HOMER2: variants seen among roughly 807,000 people sequenced by gnomAD.
The protein encoded by HOMER2 is homer protein homolog 2.
Under a neutral mutation model 47.0 loss-of-function variants are expected in HOMER2, and 27 were observed. The ratio of observed to expected loss-of-function variants is 0.57; its 90% CI spans 0.42 to 0.79. The LOEUF (loss-of-function observed/expected upper bound fraction) is 0.79, where lower values mean the gene tolerates loss of function less well. Among genes scored for constraint, HOMER2 ranks in the 30% least tolerant of loss-of-function variants. The pLI is 0.00. For missense variants in HOMER2, 443 were observed against 435.0 expected (o/e 1.02, Z -0.16); for synonymous variants, 161 against 163.8 (o/e 0.98, Z 0.13).
intron 3 of HOMER2, among the ~76,000 whole-genome samples, chr15:82,868,541 A>ATTTTTTTTTTT (rs10678643): frequency 1.4e-5 from 1 of 71,290 alleles, no homozygotes; most frequent in Non-Finnish European, 2.8e-5. Context: ...ATATATATAT[A>ATTTTTTTTTTT]TTTTTTTTTT....
chr15:82,869,450 CTTTTTTTTT>C (rs71822678), intron 3 of HOMER2, among the ~76,000 whole-genome samples: 6 of 70,240 alleles, frequency 8.5e-5, no homozygotes, highest in African/African-American at 2.4e-4. Flanking sequence ...TACTAAACAT[CTTTTTTTTT>C]TTTTTTTTTT....
upstream of HOMER2, chr15:82,986,080 C>A (rs1567083200): frequency 1.6e-5 from 16 of 985,558 alleles, no homozygotes; most frequent in Non-Finnish European, 1.8e-5. Context: ...TTGCCCACAC[C>A]TCATCGAGCT....
At chr15:82,868,541 A>ATATATATATATATATATATATTTT in intron 3 of HOMER2, among the ~76,000 whole-genome samples, 7 of 71,262 alleles carry the variant, frequency 9.8e-5, no homozygotes, top group South Asian at 4.9e-4. Context: ...ATATATATAT[A>ATATATATATATATATATATATTTT]TTTTTTTTTT....
intron 3 of HOMER2, among the ~76,000 whole-genome samples, chr15:82,865,302 CT>C (rs1216049544): frequency 6.6e-6 from 1 of 152,220 alleles, no homozygotes; most frequent in Non-Finnish European, 1.5e-5. Context: ...CTCACCTTTT[CT>C]TTTTGGGGAC....
chr15:82,896,930 C>T (rs2052942052), intron 1 of HOMER2, among the ~76,000 whole-genome samples: 1 of 152,170 alleles, frequency 6.6e-6, no homozygotes, highest in Admixed American at 6.5e-5. Context: ...TTCTGCTAGG[C>T]TCGCTCTCCA....
chr15:82,853,402 T>G (rs1740005812), intron 6 of HOMER2, among the ~76,000 whole-genome samples: 1 of 152,182 alleles, frequency 6.6e-6, no homozygotes. Context: ...AGTCAGCAAT[T>G]GGCCTGGTGC....
chr15:82,958,143 T>G (rs1040514898), exon 2 of HOMER2: 4 of 152,150 alleles, frequency 2.6e-5, no homozygotes, highest in African/African-American at 9.7e-5. Context: ...GGCCTACCCA[T>G]TTATTTAATC....
At chr15:82,974,175 C>T (rs1215725724) in intron 1 of HOMER2, among the ~76,000 whole-genome samples, 1 of 151,982 alleles carries the variant, frequency 6.6e-6, no homozygotes, top group South Asian at 2.1e-4. Flanking sequence ...GAGGCAGAGG[C>T]GGGTGGATCA....
chr15:82,909,611 T>C (rs2053396559), intron 1 of HOMER2, among the ~76,000 whole-genome samples: 2 of 151,982 alleles, frequency 1.3e-5, no homozygotes, highest in South Asian at 4.2e-4. Context: ...GAGGGGGTCA[T>C]TTACTGAAGC....
intron 1 of HOMER2, among the ~76,000 whole-genome samples, chr15:82,976,734 C>A (rs1289037175): frequency 6.7e-5 from 9 of 133,480 alleles, no homozygotes; most frequent in Middle Eastern, 5.4e-3. Flanking sequence ...GGCTGGAGTA[C>A]AATGGCGTGA....
Position 82,849,472 on chromosome 15 carries a change from A to AG in HOMER2, c.*242dup. ...CCTGCCCTGACTGCATAAATGTTGAAGGTAGACCTAGTTCTGGATTCCTGA... is the reference window on the plus strand; with the variant it reads ...CCTGCCCTGACTGCATAAATGTTGAAGGGTAGACCTAGTTCTGGATTCCTGA... On this transcript the variant is annotated 3_prime_UTR_variant, in exon 9 of 9. Transcript: ENST00000450735. 1.8e-6 allele frequency: 1 copy of AG among 541,400 alleles called. No individual in the cohort carries two copies. The highest frequency in any genetic ancestry group is 3.0e-5 in the East Asian group (1 of 33,496). The allele number at this position is 541,400 out of a possible 1,614,324, so 33.5% of individuals were successfully genotyped here.
intron 7 of HOMER2, 90 bp from the exon 8 acceptor site, chr15:82,851,321 C>A (rs1479022740): frequency 9.3e-6 from 8 of 860,330 alleles, no homozygotes; most frequent in Non-Finnish European, 1.3e-5. Flanking sequence ...CTCGTGGAAG[C>A]AGCTTTGGGA....
exon 2 of HOMER2, chr15:82,837,074 CT>C (rs2051135214): frequency 6.6e-6 from 1 of 152,326 alleles, no homozygotes; most frequent in African/African-American, 2.4e-5. Context: ...AAGCCATTTC[CT>C]TGCCCTTTCT....
intron 1 of HOMER2, among the ~76,000 whole-genome samples, chr15:82,911,357 G>A (rs977472197): frequency 6.6e-6 from 1 of 152,060 alleles, no homozygotes; most frequent in Admixed American, 6.5e-5. Context: ...ACCCTTTCAG[G>A]TTTCCAGGTA....
chr15:82,903,084 T>C (rs2053174555), intron 1 of HOMER2, among the ~76,000 whole-genome samples: 1 of 152,148 alleles, frequency 6.6e-6, no homozygotes, highest in East Asian at 1.9e-4. Flanking sequence ...CAATCAGAAC[T>C]ACAATTTAGA....
At chr15:82,982,947 G>T (rs1027778394) in intron 1 of HOMER2, among the ~76,000 whole-genome samples, 2 of 152,140 alleles carry the variant, frequency 1.3e-5, no homozygotes, top group Non-Finnish European at 2.9e-5. Flanking sequence ...TTTCCCTGTT[G>T]AAAAGATCAT....
intron 1 of HOMER2, among the ~76,000 whole-genome samples, chr15:82,893,937 T>G (rs2052814403): frequency 6.6e-6 from 1 of 152,218 alleles, no homozygotes; most frequent in Non-Finnish European, 1.5e-5. Flanking sequence ...CATGAACCAC[T>G]GCACCTGGTA....
At chr15:82,878,044 C>T (rs1363112461) in intron 2 of HOMER2, among the ~76,000 whole-genome samples, 16 of 152,208 alleles carry the variant, frequency 1.1e-4, no homozygotes, top group Admixed American at 1.0e-3. Context: ...CCCTGGTCAT[C>T]TCTCAATTAC....
chr15:82,946,716 A>C (rs555408231), intron 1 of HOMER2, among the ~76,000 whole-genome samples: 1 of 152,288 alleles, frequency 6.6e-6, no homozygotes, highest in Non-Finnish European at 1.5e-5. Context: ...AAAACAAAGA[A>C]AGTCAACCAA....
Sources: gnomAD v4.1 joint callset for allele counts (sites outside exome capture counted in the v4.1 genomes callset) on GRCh38, gnomAD v4.1.1 for gene constraint, MANE v1.5 for transcripts, NCBI Gene and HGNC (gene_info 2026-07-23, HGNC 2026-07-21) for gene names.